The following PCDHGB1 variants were observed in gnomAD, a reference collection of about 807,000 sequenced individuals.
PCDHGB1 encodes the protein protocadherin gamma-B1.
PCDHGB1 carries 34 observed loss-of-function variants against 56.6 expected under a neutral mutation model. The ratio of observed to expected loss-of-function variants is 0.60; its 90% CI spans 0.46 to 0.80. PCDHGB1 has a LOEUF of 0.80. PCDHGB1 is among the 30% of genes least tolerant of loss of function. The pLI is 0.00. For synonymous variants in PCDHGB1, 561 were observed against 505.9 expected (o/e 1.11, Z -1.46); for missense variants, 1,278 against 1,204.6 (o/e 1.06, Z -0.90).
At chr5:141,372,877 A>C (rs778363950) in intron 1 of PCDHGB1, 1 of 1,270,298 alleles carries the variant, frequency 7.9e-7, no homozygotes, top group South Asian at 1.5e-5. Context: ...TAGAGATAAA[A>C]AGAATACAGA....
In PCDHGB1 at chr5:141,489,200, G is replaced by A. The variant is rs1483035320; in HGVS notation, c.2410-5607G>A. The A allele has an allele frequency of 2.8e-6, 4 of 1,412,792 alleles. No individual in the cohort carries two copies. The highest frequency in any genetic ancestry group is 3.9e-6 in the Non-Finnish European group (4 of 1,038,374). The allele number at this position is 1,412,792 out of a possible 1,614,324, so 87.5% of individuals were successfully genotyped here. A position where few individuals can be genotyped will look rare whatever the true frequency, so the allele number is the denominator to read the frequency against. On this transcript the variant is annotated intron_variant, in intron 1 of 3. Coordinates refer to ENST00000523390, the MANE Select transcript of PCDHGB1 (RefSeq NM_018922.3). This position sits in a 1 kb window ranked among gnomAD's most constrained non-coding sequence, Gnocchi z 4.5. ...AAGCCCTGGGTCTACCTTGGAGACAGGACAGCACAGACTTACTCTCCACAA... is the reference window on the plus strand; with the variant it reads ...AAGCCCTGGGTCTACCTTGGAGACAAGACAGCACAGACTTACTCTCCACAA...
rs148279287 is a variant in PCDHGB1 at position 141,389,277 on chromosome 5, C to T, written c.2409+36608C>T. ...AGTCCACGTGGCCGAGAACAACCCG[C>T]CTGGAGCCTCTATTTCACAAGTCAG... On this transcript the variant is annotated intron_variant, in intron 1 of 3. Transcript: ENST00000523390. 7,343 of 1,614,014 alleles carry T rather than the reference C, an allele frequency of 4.5e-3. 34 individuals are homozygous for T. Among genetic ancestry groups the T allele is most frequent in the Middle Eastern group, 0.015 (93 of 6,062 alleles).
In PCDHGB1 at chr5:141,511,539, C is replaced by CGAGAT; in HGVS notation, c.*366_*367insGAGAT. 3.0e-6 allele frequency: 1 copy of CGAGAT among 328,342 alleles called. No individual in the cohort carries two copies. Among genetic ancestry groups the CGAGAT allele is most frequent in the South Asian group, 3.2e-5 (1 of 31,708 alleles). 20.3% of individuals were successfully genotyped at this position (328,342 alleles called of 1,614,324 possible). On this transcript the variant is annotated 3_prime_UTR_variant, in exon 4 of 4. Transcript: ENST00000523390. ...CATCCCATGCCTCCCTCCTCCCCAC[C>CGAGAT]CCACTCCAACAGTTCCTCTTTCCCG...
intron 1 of PCDHGB1, among the ~76,000 whole-genome samples, chr5:141,447,779 A>T (rs770299374): frequency 2.0e-5 from 3 of 152,210 alleles, no homozygotes; most frequent in Non-Finnish European, 4.4e-5. Flanking sequence ...ACTTTAATTG[A>T]AAATAAATTT....
chr5:141,356,806 G>A, intron 1 of PCDHGB1: 1 of 1,614,010 alleles, frequency 6.2e-7, no homozygotes, highest in Non-Finnish European at 8.5e-7. Context: ...GACAGCCAGT[G>A]ACAGTGGAGA....
chr5:141,477,438 C>A lies in PCDHGB1; in HGVS notation c.2410-17369C>A, dbSNP rs1386997844. The A allele has an allele frequency of 3.1e-6, 5 of 1,614,174 alleles. No individual in the cohort carries two copies. The Admixed American group carries it at 6.7e-5, about 22-fold the overall frequency. On this transcript the variant is annotated intron_variant, in intron 1 of 3. Coordinates refer to ENST00000523390, the MANE Select transcript of PCDHGB1 (RefSeq NM_018922.3). The surrounding 1 kb of genome is among the most constrained non-coding windows in gnomAD (Gnocchi z 4.9). ...GGAACCCCTTCCCTCTCAGCCCTTA[C>A]AATAGTGCGTGTTCAAGTGTCCGAC...
At chr5:141,393,970 C>T (rs746781669) in intron 1 of PCDHGB1, 5 of 1,613,870 alleles carry the variant, frequency 3.1e-6, no homozygotes, top group Middle Eastern at 3.3e-4. Flanking sequence ...GTCTGTTACA[C>T]ACGTGATAAT....
At chr5:141,383,574 C>CG in intron 1 of PCDHGB1, 1 of 1,613,366 alleles carries the variant, frequency 6.2e-7, no homozygotes, top group African/African-American at 1.3e-5. Flanking sequence ...GATCCAGCAC[C>CG]GCCCACATCC....
rs1554087243 is a variant in PCDHGB1, at chr5:141,382,895, C to T, written c.2409+30226C>T. The T allele has an allele frequency of 2.6e-6, 4 of 1,536,202 alleles. No homozygotes were observed. The East Asian group carries it at 6.8e-5, about 26-fold the overall frequency. ...CGGCGCCTAAGCAAGAGAAGCAGGA[C>T]GACTATGGCGGCTCAGCCGAGGGGC... On this transcript the variant is annotated intron_variant, in intron 1 of 3. Transcript: ENST00000523390.
In PCDHGB1 at chr5:141,420,282, T is replaced by C. The variant is rs543435018; in HGVS notation, c.2409+67613T>C. 2.1e-5 allele frequency: 31 copies of C among 1,510,188 alleles called. No homozygotes were observed. In the African/African-American group the frequency reaches 4.0e-4, roughly 20 times the overall value. 93.5% of individuals were successfully genotyped at this position (1,510,188 alleles called of 1,614,324 possible). On this transcript the variant is annotated intron_variant, in intron 1 of 3. Coordinates refer to ENST00000523390, the MANE Select transcript of PCDHGB1 (RefSeq NM_018922.3). ...AAGAAGATTCTTAAACAGGTAAGTA[T>C]TTAAAAATGTATTTAATCCTTTTTA...
rs776176122 is a variant in PCDHGB1, at chr5:141,408,982, T to C, written c.2409+56313T>C. 124 of 1,613,830 alleles carry C rather than the reference T, an allele frequency of 7.7e-5. 1 individual carries two copies. Among genetic ancestry groups the C allele is most frequent in the Admixed American group, 3.7e-4 (22 of 59,994 alleles). ...GTGAAAATCTGCCCCCTGGGTCCCC[T>C]GTGTTGCAAGTGACAGCCACTGACC... On this transcript the variant is annotated intron_variant, in intron 1 of 3. Transcript: ENST00000523390.
rs1346536726 is a variant in PCDHGB1 at position 141,375,203 on chromosome 5, C to A, written c.2409+22534C>A. 10 of 1,613,794 alleles carry A rather than the reference C, an allele frequency of 6.2e-6. No individual in the cohort carries two copies. In the Admixed American group the frequency reaches 1.3e-4, roughly 22 times the overall value. ...AATCGCCCTTTTTCAAGTGTTCGATCGAGACTCTGGCCTGAATGGCCTGGT... is the reference window on the plus strand; with the variant it reads ...AATCGCCCTTTTTCAAGTGTTCGATAGAGACTCTGGCCTGAATGGCCTGGT... On this transcript the variant is annotated intron_variant, in intron 1 of 3. Transcript: ENST00000523390.
chr5:141,399,677 A>G, intron 1 of PCDHGB1: 1 of 1,613,540 alleles, frequency 6.2e-7, no homozygotes, highest in Non-Finnish European at 8.5e-7. Flanking sequence ...CGCGCCTTTG[A>G]CTACGAGCAG....
chr5:141,366,653 T>TACGCAGAC (rs781417459), intron 1 of PCDHGB1: 2 of 1,614,240 alleles, frequency 1.2e-6, no homozygotes, highest in East Asian at 4.5e-5. Context: ...CCAGCCCAAC[T>TACGCAGAC]ACGCAGACAC....
chr5:141,444,184 T>TG, intron 1 of PCDHGB1, among the ~76,000 whole-genome samples: 1 of 138,886 alleles, frequency 7.2e-6, no homozygotes, highest in South Asian at 2.4e-4. Flanking sequence ...TTTTTTTTTT[T>TG]TTTTGAGATG....
Position 141,486,443 on chromosome 5 carries a change from A to G in PCDHGB1, c.2410-8364A>G, listed in dbSNP as rs747419698. Reference sequence around the variant, plus strand: ...AGAGGCCAAATCTAGCTATGACATCATGGTCACTGCTTCTGATGCTGGGAA... The same window carrying G: ...AGAGGCCAAATCTAGCTATGACATCGTGGTCACTGCTTCTGATGCTGGGAA... On this transcript the variant is annotated intron_variant, in intron 1 of 3. Transcript: ENST00000523390. The surrounding 1 kb of genome is among the most constrained non-coding windows in gnomAD (Gnocchi z 5.0). The G allele has an allele frequency of 1.9e-6, 3 of 1,614,060 alleles. No individual in the cohort carries two copies. Among genetic ancestry groups the G allele is most frequent in the South Asian group, 2.2e-5 (2 of 91,080 alleles).
rs768311217 is a variant in PCDHGB1 at position 141,382,969 on chromosome 5, T to C, written c.2409+30300T>C. On this transcript the variant is annotated intron_variant, in intron 1 of 3. Coordinates refer to ENST00000523390, the MANE Select transcript of PCDHGB1 (RefSeq NM_018922.3). Reference sequence around the variant, plus strand: ...GCTCTCCATCCTCCTGGGGACCCCCTGGGAAGCCTGGGCAGGACGTATTCT... The same window carrying C: ...GCTCTCCATCCTCCTGGGGACCCCCCGGGAAGCCTGGGCAGGACGTATTCT... The C allele has an allele frequency of 1.2e-5, 19 of 1,609,300 alleles. No homozygotes were observed. Among genetic ancestry groups the C allele is most frequent in the Non-Finnish European group, 1.6e-5 (19 of 1,176,708 alleles).
At chr5:141,478,725 A>C (rs2099473537) in intron 1 of PCDHGB1, 1 of 1,542,096 alleles carries the variant, frequency 6.5e-7, no homozygotes. Flanking sequence ...GGCCTGCCAG[A>C]GTGTGGTTTG....
At chr5:141,398,580 A>G in intron 1 of PCDHGB1, 1 of 1,614,044 alleles carries the variant, frequency 6.2e-7, no homozygotes, top group Non-Finnish European at 8.5e-7. Context: ...CTGGCACAAG[A>G]TTTATACTAG....
Sources: allele counts gnomAD v4.1 joint callset (sites outside exome capture counted in the v4.1 genomes callset), GRCh38; gene constraint gnomAD v4.1.1; non-coding constraint Gnocchi (gnomAD v3.1); transcripts MANE v1.5; gene names NCBI Gene and HGNC (gene_info 2026-07-23, HGNC 2026-07-21).